The following MAP3K13 variants were observed in gnomAD, a reference collection of about 807,000 sequenced individuals.
MAP3K13 encodes leucine zipper-bearing kinase.
In MAP3K13, 52 loss-of-function variants were observed where a neutral mutation model predicts 104.0. The ratio of observed to expected loss-of-function variants is 0.50; its 90% confidence interval spans 0.40 to 0.63. The LOEUF (loss-of-function observed/expected upper bound fraction) is 0.63. Among genes scored for constraint, MAP3K13 ranks in the 20% least tolerant of loss-of-function variants. MAP3K13 has a pLI of 0.00. For synonymous variants in MAP3K13, 394 were observed against 442.2 expected (o/e 0.89, Z 1.37); for missense variants, 914 against 1,218.5 (o/e 0.75, Z 3.72).
chr3:185,420,927 G>A (rs1362836008), intron 1 of MAP3K13, among the ~76,000 whole-genome samples: 1 of 152,134 alleles, frequency 6.6e-6, no homozygotes, highest in Non-Finnish European at 1.5e-5. Context: ...GCAGTGCCCT[G>A]CCAAATGCAC....
intron 10 of MAP3K13, among the ~76,000 whole-genome samples, chr3:185,468,062 C>T (rs1242008657): frequency 1.3e-5 from 2 of 152,036 alleles, no homozygotes; most frequent in Non-Finnish European, 2.9e-5. Flanking sequence ...GAGAACAGCA[C>T]CGAGGAGATG....
intron 7 of MAP3K13, among the ~76,000 whole-genome samples, chr3:185,454,628 T>TG (rs1464113939): frequency 1.9e-5 from 1 of 52,262 alleles, no homozygotes; most frequent in African/African-American, 5.9e-5. Flanking sequence ...ATATATGAGA[T>TG]ATATATATGA....
chr3:185,458,382 AAAAG>A (rs1358210012), intron 7 of MAP3K13, among the ~76,000 whole-genome samples: 1 of 151,998 alleles, frequency 6.6e-6, no homozygotes, highest in Non-Finnish European at 1.5e-5. Context: ...AAAAAAAAAA[AAAAG>A]ATGTCATTAT....
intron 1 of MAP3K13, among the ~76,000 whole-genome samples, chr3:185,369,535 A>C (rs1419323491): frequency 6.6e-6 from 1 of 152,232 alleles, no homozygotes; most frequent in East Asian, 1.9e-4. Context: ...ATCCTCCTAC[A>C]TAAGTGTGTG....
At position 185,435,379 on chromosome 3, in the gene MAP3K13, T is replaced by G. The variant is rs115608149; in HGVS notation, c.476-2068T>G. On this transcript the variant is annotated intron_variant, in intron 2 of 13. Transcript: ENST00000265026. ...TCTTACAATATGCCATCGATATCTG[T>G]GTACCACGTGTGCTGCATGTATGAG... is the stretch of plus-strand genomic sequence containing the variant. Among the ~76,000 whole-genome samples, 577 of 152,258 alleles carry G rather than the reference T, an allele frequency of 3.8e-3. 4 individuals are homozygous for G. Among genetic ancestry groups the G allele is most frequent in the African/African-American group, 0.013 (532 of 41,548 alleles).
upstream of MAP3K13, among the ~76,000 whole-genome samples, chr3:185,362,359 A>C (rs1723663408): frequency 6.6e-6 from 1 of 152,234 alleles, no homozygotes; most frequent in Non-Finnish European, 1.5e-5. Flanking sequence ...GCTGTTAATA[A>C]TAAAACATCT....
intron 1 of MAP3K13, among the ~76,000 whole-genome samples, chr3:185,399,670 G>A (rs372960369): frequency 1.6e-3 from 90 of 56,422 alleles, no homozygotes; most frequent in East Asian, 3.1e-3. Context: ...AGGGAAGGAA[G>A]GAAGGAAGGA....
intron 10 of MAP3K13, among the ~76,000 whole-genome samples, chr3:185,467,729 G>A (rs1717532430): frequency 6.7e-6 from 1 of 150,292 alleles, no homozygotes; most frequent in Admixed American, 6.6e-5. Context: ...GTTGCAGTGA[G>A]CTGAGATCAT....
intron 1 of MAP3K13, among the ~76,000 whole-genome samples, chr3:185,368,991 G>A (rs528411761): frequency 2.0e-5 from 3 of 149,654 alleles, no homozygotes; most frequent in South Asian, 4.2e-4. Flanking sequence ...GAATTAGCAA[G>A]TATAAAGGTG....
chr3:185,383,069 T>C (rs966693944), intron 1 of MAP3K13, among the ~76,000 whole-genome samples: 1 of 141,022 alleles, frequency 7.1e-6, no homozygotes, highest in Non-Finnish European at 1.5e-5. Context: ...TGTCCATGTG[T>C]TCTCATTGTT....
chr3:185,455,648 T>TATATCTC (rs1560120159), intron 7 of MAP3K13, among the ~76,000 whole-genome samples: 13 of 30,318 alleles, frequency 4.3e-4, no homozygotes, highest in African/African-American at 9.7e-4. Context: ...ATATATGAGA[T>TATATCTC]ATATATATGA....
intron 1 of MAP3K13, among the ~76,000 whole-genome samples, chr3:185,367,397 CTT>C (rs1418303594): frequency 6.6e-6 from 1 of 151,924 alleles, no homozygotes; most frequent in Non-Finnish European, 1.5e-5. Flanking sequence ...GAGAGAGAGA[CTT>C]TCAGAATCAG....
At chr3:185,319,702 G>A (rs756741658) in intron 2 of MAP3K13, among the ~76,000 whole-genome samples, 18 of 152,156 alleles carry the variant, frequency 1.2e-4, no homozygotes, top group Non-Finnish European at 1.9e-4. Flanking sequence ...ATCAATTCAC[G>A]TTCTCTAAAT....
upstream of MAP3K13, among the ~76,000 whole-genome samples, chr3:185,360,055 A>G (rs1723541603): frequency 6.6e-6 from 1 of 152,152 alleles, no homozygotes; most frequent in Non-Finnish European, 1.5e-5. Flanking sequence ...CTTCTTGCAT[A>G]ATGAGACTAG....
chr3:185,460,293 C>T (rs909014777), intron 7 of MAP3K13, among the ~76,000 whole-genome samples: 11 of 152,160 alleles, frequency 7.2e-5, no homozygotes, highest in Non-Finnish European at 1.0e-4. Flanking sequence ...TAACTAAGCT[C>T]TGTCTTTACT....
At chr3:185,287,183 C>G (rs1236441614) in intron 2 of MAP3K13, among the ~76,000 whole-genome samples, 1 of 152,090 alleles carries the variant, frequency 6.6e-6, no homozygotes, top group African/African-American at 2.4e-5. Flanking sequence ...CTGACCTGAC[C>G]AGGTGATACC....
At chr3:185,362,259 A>G (rs908620103), upstream of MAP3K13, among the ~76,000 whole-genome samples, 1 of 152,180 alleles carries the variant, frequency 6.6e-6, no homozygotes, top group African/African-American at 2.4e-5. Context: ...GGGACAATAA[A>G]TATATTCATC....
At chr3:185,285,054 T>G (rs1720461840) in intron 1 of MAP3K13, among the ~76,000 whole-genome samples, 1 of 151,432 alleles carries the variant, frequency 6.6e-6, no homozygotes, top group Non-Finnish European at 1.5e-5. Flanking sequence ...GTGTGTGTGT[T>G]TTACAAAGAT....
At chr3:185,451,868 A>C (rs1715909423) in intron 7 of MAP3K13, among the ~76,000 whole-genome samples, 1 of 137,076 alleles carries the variant, frequency 7.3e-6, no homozygotes, top group African/African-American at 2.9e-5. Flanking sequence ...ACACCGCCTC[A>C]AAAAAAAAAA....
Sources: allele counts gnomAD v4.1 joint callset (sites outside exome capture counted in the v4.1 genomes callset), GRCh38; gene constraint gnomAD v4.1.1; transcripts MANE v1.5; gene names NCBI Gene and HGNC (gene_info 2026-07-23, HGNC 2026-07-21).